FMN2: variants seen among roughly 807,000 people sequenced by gnomAD.
FMN2 encodes the protein formin 2, also known as formin-2.
In FMN2, 51 loss-of-function variants were observed where a neutral mutation model predicts 142.3. The observed-to-expected ratio is 0.36, with a 90% CI of 0.29 to 0.45. The LOEUF (loss-of-function observed/expected upper bound fraction) is 0.45, where lower values mean the gene tolerates loss of function less well. Among genes scored for constraint, FMN2 ranks in the 20% least tolerant of loss-of-function variants. The probability of loss-of-function intolerance (pLI) is 1.00; values close to 1 mark genes in which losing one functional copy is unlikely to be tolerated. For synonymous variants in FMN2, 882 were observed against 869.8 expected (o/e 1.01, Z -0.25); for missense variants, 1,936 against 2,122.8 (o/e 0.91, Z 1.73).
intron 14 of FMN2, among the ~76,000 whole-genome samples, chr1:240,360,364 C>T (rs926260102): frequency 2.7e-4 from 41 of 152,208 alleles, no homozygotes; most frequent in Non-Finnish European, 3.7e-4. Context: ...TTCTGTGCAT[C>T]TTTCACTGCA....
chr1:240,368,635 A>G (rs1672760268), intron 14 of FMN2, among the ~76,000 whole-genome samples: 1 of 152,092 alleles, frequency 6.6e-6, no homozygotes, highest in Admixed American at 6.5e-5. Flanking sequence ...TTATGTATGT[A>G]TGTATTTATT....
chr1:240,336,220 A>G (rs1671550813), intron 13 of FMN2, among the ~76,000 whole-genome samples: 1 of 152,296 alleles, frequency 6.6e-6, no homozygotes, highest in East Asian at 1.9e-4. Context: ...CTATTTCCGC[A>G]TCTGCATTTG....
At chr1:240,160,297 G>T (rs1469877068) in intron 2 of FMN2, among the ~76,000 whole-genome samples, 1 of 151,196 alleles carries the variant, frequency 6.6e-6, no homozygotes, top group Non-Finnish European at 1.5e-5. Context: ...ATTTATTAAT[G>T]AAATATTTGC....
At chr1:240,274,386 A>C (rs1045984064) in intron 7 of FMN2, among the ~76,000 whole-genome samples, 2 of 152,028 alleles carry the variant, frequency 1.3e-5, no homozygotes, top group African/African-American at 4.8e-5. Context: ...AGGCAACTGC[A>C]AGGATCCTGG....
chr1:240,274,494 G>C (rs376218907), intron 7 of FMN2, among the ~76,000 whole-genome samples: 14 of 152,192 alleles, frequency 9.2e-5, no homozygotes, highest in African/African-American at 3.4e-4. Flanking sequence ...GGGGTCTGCG[G>C]GGGAGGGAGA....
intron 11 of FMN2, among the ~76,000 whole-genome samples, chr1:240,332,969 A>C (rs1007070732): frequency 1.3e-5 from 2 of 152,182 alleles, no homozygotes; most frequent in Non-Finnish European, 2.9e-5. Context: ...GATATCTCTA[A>C]TAGCTACATT....
intron 3 of FMN2, among the ~76,000 whole-genome samples, chr1:240,185,573 T>C (rs544169806): frequency 6.6e-6 from 1 of 152,336 alleles, no homozygotes; most frequent in African/African-American, 2.4e-5. Context: ...CTTTCTAATG[T>C]GGTTTTCTAA....
At chr1:240,096,293 C>T (rs534203185) in intron 1 of FMN2, among the ~76,000 whole-genome samples, 1 of 152,288 alleles carries the variant, frequency 6.6e-6, no homozygotes, top group East Asian at 1.9e-4. Flanking sequence ...ATTAGATTTT[C>T]CAGTTCCTGT....
intron 16 of FMN2, among the ~76,000 whole-genome samples, chr1:240,440,361 C>T (rs1675568424): frequency 6.6e-6 from 1 of 152,328 alleles, no homozygotes; most frequent in African/African-American, 2.4e-5. Context: ...CTAACACATG[C>T]TCCATGAGAT....
intron 3 of FMN2, among the ~76,000 whole-genome samples, chr1:240,184,286 G>C (rs1219256675): frequency 7.4e-6 from 1 of 135,722 alleles, no homozygotes; most frequent in East Asian, 2.2e-4. Context: ...GCCCAGGCTG[G>C]AGTGCAGTGG....
chr1:240,380,728 A>G (rs564756068), intron 14 of FMN2, among the ~76,000 whole-genome samples: 1 of 151,844 alleles, frequency 6.6e-6, no homozygotes, highest in Non-Finnish European at 1.5e-5. Context: ...AAAAAAAAAA[A>G]AGAAATGGCA....
chr1:240,225,973 A>G (rs1051622864), intron 6 of FMN2, among the ~76,000 whole-genome samples: 2 of 152,156 alleles, frequency 1.3e-5, no homozygotes, highest in Non-Finnish European at 2.9e-5. Flanking sequence ...AGCAGACTTG[A>G]ACATAGATCA....
At chr1:240,209,401 C>T (rs1339595165) in intron 5 of FMN2, among the ~76,000 whole-genome samples, 1 of 151,498 alleles carries the variant, frequency 6.6e-6, no homozygotes, top group Non-Finnish European at 1.5e-5. Flanking sequence ...CAGGCGCCCG[C>T]CACCACGCCC....
rs925126728 is a variant in FMN2, at chr1:240,456,002, T to G, written c.5061-16370T>G. 2.1e-5 allele frequency among the ~76,000 whole-genome samples: 3 copies of G among 144,552 alleles called. No homozygotes were observed. In the East Asian group the frequency reaches 5.9e-4, roughly 29 times the overall value. The allele number at this position is 144,552 out of a possible 152,430, so 94.8% of individuals were successfully genotyped here. On this transcript the variant is annotated intron_variant, in intron 16 of 17. Coordinates refer to ENST00000319653, the MANE Select transcript of FMN2 (RefSeq NM_020066.5). ...ATAATAATAATAATAATAATAATAA[T>G]AAGTTGCATAATGATCTCAGAAAAG...
chr1:240,157,120 TTAATA>T (rs779799445), intron 2 of FMN2, among the ~76,000 whole-genome samples: 10 of 152,352 alleles, frequency 6.6e-5, no homozygotes, highest in Non-Finnish European at 1.5e-4. Flanking sequence ...CTTACATTAT[TTAATA>T]TGACAAATTA....
chr1:240,435,584 A>G (rs1558104901), intron 15 of FMN2, among the ~76,000 whole-genome samples: 1 of 152,262 alleles, frequency 6.6e-6, no homozygotes, highest in Non-Finnish European at 1.5e-5. Flanking sequence ...GACACATTCA[A>G]CAGACACTTT....
At position 240,426,192 on chromosome 1, in the gene FMN2, A is replaced by G. The variant is rs73128227; in HGVS notation, c.4911-11869A>G. Reference sequence around the variant, plus strand: ...CCTCTTTTGGTTGTAATAAAAACCAAATTTTGAGTCATTCTTTATGTGCAC... The same window carrying G: ...CCTCTTTTGGTTGTAATAAAAACCAGATTTTGAGTCATTCTTTATGTGCAC... On this transcript the variant is annotated intron_variant, in intron 15 of 17. Coordinates refer to ENST00000319653, the MANE Select transcript of FMN2 (RefSeq NM_020066.5). 8.9e-3 allele frequency among the ~76,000 whole-genome samples: 1,350 copies of G among 152,268 alleles called. 23 individuals are homozygous for G. Among genetic ancestry groups the G allele is most frequent in the African/African-American group, 0.031 (1,301 of 41,524 alleles).
At chr1:240,336,939 T>A (rs72766283) in intron 13 of FMN2, among the ~76,000 whole-genome samples, 27,382 of 151,850 alleles carry the variant, frequency 0.18, 3,180 homozygotes, top group African/African-American at 0.32. Flanking sequence ...GTTTTATGAC[T>A]TGAGGAAGGA....
At chr1:240,412,627 G>A (rs936537129) in intron 15 of FMN2, among the ~76,000 whole-genome samples, 3 of 152,042 alleles carry the variant, frequency 2.0e-5, no homozygotes, top group Non-Finnish European at 4.4e-5. Context: ...TAAAGTGTAA[G>A]TGATGCCAGA....
Sources: allele counts gnomAD v4.1 joint callset (sites outside exome capture counted in the v4.1 genomes callset), GRCh38; gene constraint gnomAD v4.1.1; transcripts MANE v1.5; gene names NCBI Gene and HGNC (gene_info 2026-07-23, HGNC 2026-07-21).